Variants in SLC1A6 observed in about 807,000 individuals in gnomAD.
The protein encoded by SLC1A6 is excitatory amino acid transporter 4.
Under a neutral mutation model 42.1 loss-of-function variants are expected in SLC1A6, and 15 were observed. The observed-to-expected ratio is 0.36, with a 90% confidence interval of 0.24 to 0.55. The LOEUF is 0.55. Among genes scored for constraint, SLC1A6 ranks in the 20% least tolerant of loss-of-function variants. The probability of loss-of-function intolerance (pLI) is 0.88; values close to 1 mark genes in which losing one functional copy is unlikely to be tolerated. For missense variants in SLC1A6, 542 were observed against 772.5 expected (o/e 0.70, Z 3.54); for synonymous variants, 317 against 319.7 (o/e 0.99, Z 0.09).
At chr19:14,966,988 T>A (rs1259811588) in intron 4 of SLC1A6, among the ~76,000 whole-genome samples, 1 of 152,162 alleles carries the variant, frequency 6.6e-6, no homozygotes, top group African/African-American at 2.4e-5. Context: ...GGCGCATGTA[T>A]ACTTATGTAA....
chr19:14,995,550 A>G (rs8110361), intron 1 of SLC1A6, among the ~76,000 whole-genome samples: 54,889 of 151,806 alleles, frequency 0.36, 10,185 homozygotes, highest in East Asian at 0.53. Flanking sequence ...TGCGAAGCGA[A>G]CAGATGCAAA....
rs139350508 is a variant in SLC1A6 at position 14,990,630 on chromosome 19, G to A, written c.7-17713C>T. On this transcript the variant is annotated intron_variant, in intron 1 of 8. Transcript: ENST00000430939. ...AGTAAAAATACAAAATTAGCCAGGA[G>A]TGGTGGCGCACACCTATAATCGCAG... 3.3e-3 allele frequency among the ~76,000 whole-genome samples: 501 copies of A among 152,214 alleles called. 3 individuals are homozygous for A. Among genetic ancestry groups the A allele is most frequent in the Non-Finnish European group, 5.5e-3 (376 of 68,020 alleles).
chr19:15,004,554 G>T (rs969135136), intron 1 of SLC1A6, among the ~76,000 whole-genome samples: 3 of 47,712 alleles, frequency 6.3e-5, no homozygotes, highest in Admixed American at 3.8e-4. Context: ...AAAAAAAAAA[G>T]TCAATTGTGA....
At chr19:14,975,294 AG>A (rs1420567644) in intron 1 of SLC1A6, 5 of 20,886 alleles carry the variant, frequency 2.4e-4, no homozygotes, top group Non-Finnish European at 4.6e-4. Context: ...CCAGTAGAGA[AG>A]GTTCTGAGCA....
intron 1 of SLC1A6, among the ~76,000 whole-genome samples, chr19:14,985,394 C>A (rs1271465028): frequency 6.6e-6 from 1 of 152,116 alleles, no homozygotes; most frequent in African/African-American, 2.4e-5. Flanking sequence ...GGCTTGCTGC[C>A]ATTCTCCTGG....
rs148218390 is a variant in SLC1A6, at chr19:15,004,539, C to CA, written c.6+5945dup. 8.7e-4 allele frequency among the ~76,000 whole-genome samples: 105 copies of CA among 120,452 alleles called. 4 individuals carry two copies. The highest frequency in any genetic ancestry group is 6.6e-3 in the South Asian group (23 of 3,490). The allele number at this position is 120,452 out of a possible 152,430, so 79.0% of individuals were successfully genotyped here. A position where few individuals can be genotyped will look rare whatever the true frequency, so the allele number is the denominator to read the frequency against. ...GCAACATAGCAAGACCTCACCTCTA[C>CA]AAAAAAAAAAAAAAGTCAATTGTGA... On this transcript the variant is annotated intron_variant, in intron 1 of 8. Transcript: ENST00000430939.
chr19:14,953,806 T>A (rs994124577), intron 8 of SLC1A6, among the ~76,000 whole-genome samples: 1 of 152,180 alleles, frequency 6.6e-6, no homozygotes, highest in African/African-American at 2.4e-5. Flanking sequence ...TAAATAAATG[T>A]ATAGAGCCTA....
chr19:14,953,311 C>A (rs1290238083), intron 8 of SLC1A6, among the ~76,000 whole-genome samples: 2 of 141,058 alleles, frequency 1.4e-5, no homozygotes, highest in Non-Finnish European at 3.1e-5. Context: ...CTCTCTCTCT[C>A]CCAGGCTGAA....
intron 1 of SLC1A6, among the ~76,000 whole-genome samples, chr19:14,975,896 A>AAGGGGGAAGGGGAGGG (rs148123004): frequency 1.2e-5 from 1 of 84,292 alleles, no homozygotes; most frequent in African/African-American, 4.9e-5. Flanking sequence ...GAAGGGAAGG[A>AAGGGGGAAGGGGAGGG]AAGGGAAGGG....
At chr19:14,953,996 C>G in intron 8 of SLC1A6, 139 bp downstream of exon 8, 1 of 733,598 alleles carries the variant, frequency 1.4e-6, no homozygotes, top group South Asian at 1.9e-5. Context: ...GCATTGGGCT[C>G]TTCCCACATC....
chr19:14,994,389 C>G (rs1330420060), intron 1 of SLC1A6, among the ~76,000 whole-genome samples: 1 of 152,144 alleles, frequency 6.6e-6, no homozygotes, highest in Admixed American at 6.5e-5. Flanking sequence ...GCTCCCTCCC[C>G]TCTCTGCATC....
At chr19:14,986,275 T>C (rs1229222583) in intron 1 of SLC1A6, among the ~76,000 whole-genome samples, 2 of 152,012 alleles carry the variant, frequency 1.3e-5, no homozygotes, top group Non-Finnish European at 2.9e-5. Context: ...CCCAGCACTT[T>C]GGGAGGCCAA....
chr19:14,985,757 G>A (rs1001743733), intron 1 of SLC1A6, among the ~76,000 whole-genome samples: 1 of 152,238 alleles, frequency 6.6e-6, no homozygotes, highest in African/African-American at 2.4e-5. Flanking sequence ...GAGGCCAGGA[G>A]TTTGAGGCCA....
chr19:14,992,362 C>T (rs79670514), intron 1 of SLC1A6, among the ~76,000 whole-genome samples: 4,835 of 152,262 alleles, frequency 0.032, 207 homozygotes, highest in East Asian at 0.21. Flanking sequence ...GTCTCTTGCT[C>T]TCTCAACAGT....
intron 1 of SLC1A6, among the ~76,000 whole-genome samples, chr19:14,989,597 G>A (rs1200393381): frequency 1.3e-5 from 2 of 151,978 alleles, no homozygotes; most frequent in Non-Finnish European, 2.9e-5. Flanking sequence ...AGTGGTCAGG[G>A]GAATTCGGAG....
At chr19:14,953,906 T>A (rs773785403) in intron 8 of SLC1A6, among the ~76,000 whole-genome samples, 4 of 152,226 alleles carry the variant, frequency 2.6e-5, no homozygotes, top group Non-Finnish European at 4.4e-5. Context: ...ATCTCCCACG[T>A]GAGAGGGAAA....
In SLC1A6 at chr19:14,954,042, G is replaced by A; in HGVS notation, c.1364+93C>T. The A allele has an allele frequency of 3.7e-6, 4 of 1,071,524 alleles. No individual in the cohort carries two copies. In the Admixed American group the frequency reaches 9.3e-5, roughly 25 times the overall value. The allele number at this position is 1,071,524 out of a possible 1,614,324, so 66.4% of individuals were successfully genotyped here. ...CATCCGTGGGCTCCTCTGAGCTCCA[G>A]CTGAGGCCCCCTCCTCCCTCCCCAA... On this transcript the variant is annotated intron_variant, in intron 8 of 9. Coordinates refer to ENST00000594383, the MANE Select transcript of SLC1A6 (RefSeq NM_005071.3).
chr19:14,996,633 G>T (rs569961079), intron 1 of SLC1A6, among the ~76,000 whole-genome samples: 1 of 146,816 alleles, frequency 6.8e-6, no homozygotes, highest in South Asian at 2.2e-4. Flanking sequence ...TGATTTTGAT[G>T]GTTTATTTTA....
intron 6 of SLC1A6, among the ~76,000 whole-genome samples, chr19:14,959,786 A>T (rs1198665157): frequency 6.6e-6 from 1 of 152,162 alleles, no homozygotes; most frequent in African/African-American, 2.4e-5. Flanking sequence ...TGTCCAGTTG[A>T]AGTCCTACTC....
Sources: allele counts gnomAD v4.1 joint callset (sites outside exome capture counted in the v4.1 genomes callset), GRCh38; gene constraint gnomAD v4.1.1; transcripts MANE v1.5; gene names NCBI Gene and HGNC (gene_info 2026-07-23, HGNC 2026-07-21).